CSMD1: variants seen among roughly 807,000 people sequenced by gnomAD.
CSMD1 encodes CUB and sushi domain-containing protein 1.
In CSMD1, 213 loss-of-function variants were observed where a neutral mutation model predicts 417.5. That is an observed-to-expected ratio of 0.51 (90% CI 0.46 to 0.57). The LOEUF (loss-of-function observed/expected upper bound fraction) is 0.57. Among genes scored for constraint, CSMD1 ranks in the 20% least tolerant of loss-of-function variants. CSMD1 has a pLI of 0.00. For missense variants in CSMD1, 6,923 were observed against 4,529.7 expected, an observed-to-expected ratio of 1.53 and a Z score of -15.17; for synonymous variants, 2,862 against 1,736.8, an observed-to-expected ratio of 1.65 and a Z score of -16.11.
At chr8:3,148,143 T>C (rs1336282610) in intron 40 of CSMD1, among the ~76,000 whole-genome samples, 2 of 152,188 alleles carry the variant, frequency 1.3e-5, no homozygotes, top group African/African-American at 4.8e-5. Flanking sequence ...TGGGTGTTAA[T>C]AGGAAGCAAC....
chr8:3,356,320 A>G (rs1808787268), intron 21 of CSMD1, among the ~76,000 whole-genome samples: 1 of 152,210 alleles, frequency 6.6e-6, no homozygotes, highest in Non-Finnish European at 1.5e-5. Flanking sequence ...GATACACAGA[A>G]CTTAGGGATG....
intron 6 of CSMD1, among the ~76,000 whole-genome samples, chr8:3,729,693 C>G (rs1234575932): frequency 1.5e-5 from 1 of 68,098 alleles, no homozygotes; most frequent in Non-Finnish European, 2.7e-5. Context: ...AAACTCGCCT[C>G]TTCTTCTGCT....
chr8:3,307,766 G>A lies in CSMD1; in HGVS notation c.3879C>T (p.Gly1293=), dbSNP rs777447263. 35 of 1,613,578 alleles carry A rather than the reference G, an allele frequency of 2.2e-5. 1 individual carries two copies. The highest frequency in any genetic ancestry group is 2.7e-5 in the African/African-American group (2 of 74,890). The change falls in exon 25 of 70, where the codon GGC becomes GGT. Residue 1293 remains glycine, a synonymous_variant. Coordinates refer to ENST00000635120, the MANE Select transcript of CSMD1 (RefSeq NM_033225.6). Reference sequence around the variant, plus strand: ...GGTTGTTGTCATACGGAGCTGGATAGCCAGGGGACAATATTCGTCCTGATG... The same window carrying A: ...GGTTGTTGTCATACGGAGCTGGATAACCAGGGGACAATATTCGTCCTGATG... ...AATSGRILSP[G]YPAPYDNNLH... is the part of the protein sequence containing the mutation.
At chr8:4,041,185 T>C (rs1048384611) in intron 3 of CSMD1, among the ~76,000 whole-genome samples, 5 of 151,550 alleles carry the variant, frequency 3.3e-5, no homozygotes, top group Non-Finnish European at 5.9e-5. Flanking sequence ...CCCGGCTAAT[T>C]TTTTTGTATT....
At chr8:3,185,859 T>C (rs938250668) in intron 36 of CSMD1, among the ~76,000 whole-genome samples, 3 of 152,196 alleles carry the variant, frequency 2.0e-5, no homozygotes, top group Non-Finnish European at 2.9e-5. Context: ...AAGAACACTT[T>C]ACTTAAAAAT....
At chr8:4,950,229 TA>T (rs1447049810) in intron 1 of CSMD1, among the ~76,000 whole-genome samples, 1 of 152,162 alleles carries the variant, frequency 6.6e-6, no homozygotes, top group Non-Finnish European at 1.5e-5. Context: ...CTTATCTAAT[TA>T]AAAATACAAA....
intron 1 of CSMD1, among the ~76,000 whole-genome samples, chr8:4,682,528 GA>G (rs1416162435): frequency 5.9e-5 from 9 of 151,788 alleles, no homozygotes; most frequent in East Asian, 1.9e-4. Flanking sequence ...ATTAGCATCA[GA>G]AAAAAATCCA....
chr8:3,887,658 T>G (rs1806656678), intron 5 of CSMD1, among the ~76,000 whole-genome samples: 1 of 152,138 alleles, frequency 6.6e-6, no homozygotes, highest in African/African-American at 2.4e-5. Flanking sequence ...ACACCTAGAG[T>G]TAAGAGACAA....
Position 3,729,922 on chromosome 8 carries a change from TAAAAAAAAAAA to T in CSMD1, c.932-21442_932-21432del, listed in dbSNP as rs1160679199. ...AGAATTATTATTTGCCAATTCAAAG[TAAAAAAAAAAA>T]AAAAAAAAAAAAAAAAAAAAAAAAA... On this transcript the variant is annotated intron_variant, in intron 6 of 69. Transcript: ENST00000635120. Among the ~76,000 whole-genome samples, 27 of 47,072 alleles carry T rather than the reference TAAAAAAAAAAA, an allele frequency of 5.7e-4. 1 individual carries two copies. The highest frequency in any genetic ancestry group is 3.7e-3 in the African/African-American group (27 of 7,326). 30.9% of individuals were successfully genotyped at this position (47,072 alleles called of 152,430 possible).
chr8:3,912,733 C>T (rs983282908), intron 5 of CSMD1, among the ~76,000 whole-genome samples: 4 of 152,126 alleles, frequency 2.6e-5, no homozygotes, highest in Non-Finnish European at 5.9e-5. Flanking sequence ...CAAGATGAGC[C>T]TGAAGAGGCA....
At chr8:3,289,902 A>C (rs1240691575) in intron 25 of CSMD1, among the ~76,000 whole-genome samples, 1 of 147,526 alleles carries the variant, frequency 6.8e-6, no homozygotes. Flanking sequence ...GTCCTTACCC[A>C]TGCCTGTGTC....
rs4350005 is a variant in CSMD1, at chr8:3,700,945, G to A, written c.1009+7469C>T. ...TGATTGCAGGGTGGGACTTTGTCAGGGCAGGGAGAGGCTGAGGATGACATG... is the reference window on the plus strand; with the variant it reads ...TGATTGCAGGGTGGGACTTTGTCAGAGCAGGGAGAGGCTGAGGATGACATG... On this transcript the variant is annotated intron_variant, in intron 7 of 69. Coordinates refer to ENST00000635120, the MANE Select transcript of CSMD1 (RefSeq NM_033225.6). Among the ~76,000 whole-genome samples, 392 of 152,094 alleles carry A rather than the reference G, an allele frequency of 2.6e-3. 1 individual carries two copies. Among genetic ancestry groups the A allele is most frequent in the African/African-American group, 9.2e-3 (383 of 41,468 alleles).
intron 3 of CSMD1, among the ~76,000 whole-genome samples, chr8:4,381,626 C>G (rs1472850182): frequency 1.3e-5 from 2 of 152,138 alleles, no homozygotes; most frequent in Non-Finnish European, 2.9e-5. Flanking sequence ...CCACTGATCC[C>G]TCCACCCCTT....
intron 3 of CSMD1, among the ~76,000 whole-genome samples, chr8:4,155,269 C>A (rs949933850): frequency 1.3e-5 from 2 of 152,114 alleles, no homozygotes; most frequent in South Asian, 2.1e-4. Flanking sequence ...TGAATAAGTC[C>A]GGGTGTGAAT....
At chr8:3,693,246 GTAT>G (rs1800353673) in intron 7 of CSMD1, among the ~76,000 whole-genome samples, 1 of 152,082 alleles carries the variant, frequency 6.6e-6, no homozygotes, top group Non-Finnish European at 1.5e-5. Context: ...TATGTTCTGG[GTAT>G]ATAACCAAGT....
intron 49 of CSMD1, among the ~76,000 whole-genome samples, chr8:3,061,586 T>C (rs919686138): frequency 6.6e-6 from 1 of 152,116 alleles, no homozygotes; most frequent in Non-Finnish European, 1.5e-5. Context: ...CTCAATCATA[T>C]GACATCTTGA....
intron 5 of CSMD1, among the ~76,000 whole-genome samples, chr8:3,956,250 A>G (rs1424835580): frequency 2.6e-5 from 4 of 152,214 alleles, no homozygotes; most frequent in African/African-American, 9.6e-5. Context: ...CTTTTTCACA[A>G]ATTAATACAT....
intron 42 of CSMD1, among the ~76,000 whole-genome samples, chr8:3,115,456 T>C (rs1585388905): frequency 6.6e-6 from 1 of 152,086 alleles, no homozygotes; most frequent in Non-Finnish European, 1.5e-5. Flanking sequence ...CCCACCTCGG[T>C]CTCCCAAAGT....
Position 4,013,339 on chromosome 8 carries a change from G to C in CSMD1, c.611-15229C>G, listed in dbSNP as rs948150399. Among the ~76,000 whole-genome samples the C allele has an allele frequency of 2.6e-5, 4 of 152,098 alleles. No individual in the cohort carries two copies. In the South Asian group the frequency reaches 8.3e-4, roughly 32 times the overall value. Reference sequence around the variant, plus strand: ...CACTCACCGTACGCTGTTGTCTCAAGGCCAAACACCTGGTTGATCCCTCTG... The same window carrying C: ...CACTCACCGTACGCTGTTGTCTCAACGCCAAACACCTGGTTGATCCCTCTG... On this transcript the variant is annotated intron_variant, in intron 4 of 69. Coordinates refer to ENST00000635120, the MANE Select transcript of CSMD1 (RefSeq NM_033225.6).
Sources: allele counts gnomAD v4.1 joint callset (sites outside exome capture counted in the v4.1 genomes callset), GRCh38; gene constraint gnomAD v4.1.1; transcripts MANE v1.5; gene names NCBI Gene and HGNC (gene_info 2026-07-23, HGNC 2026-07-21).